CRAT: variants seen among roughly 807,000 people sequenced by gnomAD.
The protein encoded by CRAT is carnitine acetylase.
A neutral mutation model predicts 73.7 loss-of-function variants in CRAT; 66 were observed. The observed-to-expected ratio is 0.90, with a 90% confidence interval of 0.73 to 1.10. The LOEUF (loss-of-function observed/expected upper bound fraction) is 1.10. Among genes scored for constraint, CRAT ranks in the 50% least tolerant of loss-of-function variants. The pLI is 0.00. For synonymous variants in CRAT, 321 were observed against 343.2 expected (o/e 0.94, Z 0.71); for missense variants, 745 against 846.9 (o/e 0.88, Z 1.49).
At chr9:129,104,349 C>G (rs1407511667) in intron 2 of CRAT, 43 bp from the exon 3 acceptor site, 2 of 1,505,484 alleles carry the variant, frequency 1.3e-6, no homozygotes, top group Non-Finnish European at 1.8e-6. Flanking sequence ...TGCATGGGCC[C>G]TGGTGCCCCC....
At chr9:129,097,720 G>GAA in intron 11 of CRAT, 8 of 394,206 alleles carry the variant, frequency 2.0e-5, no homozygotes, top group Admixed American at 8.2e-5. Flanking sequence ...AAAAAAACAA[G>GAA]AAAAAAAAAG....
Position 129,110,379 on chromosome 9 carries a change from C to T in CRAT, c.27+104G>A. The T allele has an allele frequency of 1.6e-6, 2 of 1,232,266 alleles. No homozygotes were observed. The highest frequency in any genetic ancestry group is 1.6e-5 in the African/African-American group (1 of 62,974). 76.3% of individuals were successfully genotyped at this position (1,232,266 alleles called of 1,614,324 possible). On this transcript the variant is annotated intron_variant, in intron 1 of 13. Transcript: ENST00000318080. This position sits in a 1 kb window ranked among gnomAD's most constrained non-coding sequence, Gnocchi z 5.3. The stretch of plus-strand genomic sequence containing the variant: ...TGACCCCACCCCATCAGCTGGAGGC[C>T]GGGTCGAACAGCGGCCGCAGGACGC...
intron 5 of CRAT, 52 bp downstream of exon 5, chr9:129,102,348 T>C (rs1371643635): frequency 2.5e-6 from 4 of 1,609,198 alleles, no homozygotes; most frequent in Non-Finnish European, 3.4e-6. Context: ...GCCGTCCGGC[T>C]GTACTCCTGC....
rs1357634240 is a variant in CRAT, at chr9:129,098,369, A to G, written c.1208T>C (p.Met403Thr). ...IEKAKQNLSI[M>T]IQDLDITVMV... is the part of the protein sequence containing the mutation. ...CACGGTGATATCCAGGTCCTGGATCATGCTGGGGGTGTGGGAAGAGCAGGT... is the reference window on the plus strand; with the variant it reads ...CACGGTGATATCCAGGTCCTGGATCGTGCTGGGGGTGTGGGAAGAGCAGGT... The change falls in exon 10 of 14, where the codon ATG becomes ACG. Residue 403 changes from methionine (M) to threonine (T), a missense_variant and splice_region_variant. Transcript: ENST00000318080. The G allele has an allele frequency of 2.7e-5, 43 of 1,613,722 alleles. No individual in the cohort carries two copies. Among genetic ancestry groups the G allele is most frequent in the Non-Finnish European group, 3.6e-5 (43 of 1,179,914 alleles).
rs1848036065 is a variant in CRAT at position 129,106,694 on chromosome 9, TC to T, written c.291+1119del. Among the ~76,000 whole-genome samples, 1 of 152,082 alleles carries T rather than the reference TC, an allele frequency of 6.6e-6. No individual in the cohort carries two copies. The highest frequency in any genetic ancestry group is 1.5e-5 in the Non-Finnish European group (1 of 67,990). ...TCAGCAAATGTTGACAACTCCCACC[TC>T]CTGTGTGCAGCCCCACAGCCTCCGC... On this transcript the variant is annotated intron_variant, in intron 2 of 13. Transcript: ENST00000318080. The surrounding 1 kb of genome is among the most constrained non-coding windows in gnomAD (Gnocchi z 4.0).
intron 2 of CRAT, among the ~76,000 whole-genome samples, chr9:129,104,757 A>ACTGTGC (rs1847899939): frequency 2.0e-5 from 3 of 150,900 alleles, no homozygotes; most frequent in East Asian, 2.0e-4. Flanking sequence ...GGCGCCAGCC[A>ACTGTGC]CCACACCTGG....
At chr9:129,105,647 C>T (rs575634796) in intron 2 of CRAT, among the ~76,000 whole-genome samples, 16 of 152,288 alleles carry the variant, frequency 1.1e-4, no homozygotes, top group Middle Eastern at 6.8e-3. Context: ...TGACCATCCC[C>T]AGCAGAGAAC....
chr9:129,097,787 G>A, intron 11 of CRAT: 1 of 603,354 alleles, frequency 1.7e-6, no homozygotes, highest in Non-Finnish European at 2.8e-6. Context: ...ACATAGGGCA[G>A]TTGCTTACTG....
rs367973463 is a variant in CRAT, at chr9:129,098,251, G to A, written c.1326C>T (p.Tyr442=). 8.1e-6 allele frequency: 13 copies of A among 1,613,722 alleles called. No homozygotes were observed. Among genetic ancestry groups the A allele is most frequent in the Non-Finnish European group, 1.1e-5 (13 of 1,180,004 alleles). ...FIQMALQLAY[Y]RIYGQACATY... ...ATGGGTGGGCCACAGAGGCGCACCT[G>A]TAGTAGGCCAGCTGCAAAGCCATCT... Residue 442 remains tyrosine (Y), a splice_region_variant and synonymous_variant, in exon 10 of 14, where the codon TAC becomes TAT. Coordinates refer to ENST00000318080, the MANE Select transcript of CRAT (RefSeq NM_000755.5).
At chr9:129,097,718 A>T (rs1042267615) in intron 11 of CRAT, 8 of 397,238 alleles carry the variant, frequency 2.0e-5, no homozygotes, top group Admixed American at 8.2e-5. Context: ...AAAAAAAAAC[A>T]AGAAAAAAAA....
In CRAT at chr9:129,107,455, G is replaced by A. The variant is rs143675152; in HGVS notation, c.291+359C>T. ...CATAGATCAGATACAGAACCTGGGC[G>A]ATCGGTCACTGAGTGACACATATCC... On this transcript the variant is annotated intron_variant, in intron 2 of 13. Transcript: ENST00000318080. This position sits in a 1 kb window ranked among gnomAD's most constrained non-coding sequence, Gnocchi z 5.0. 2.2e-5 allele frequency: 13 copies of A among 597,392 alleles called. No homozygotes were observed. Among genetic ancestry groups the A allele is most frequent in the Non-Finnish European group, 3.0e-5 (10 of 333,766 alleles). 37.0% of individuals were successfully genotyped at this position (597,392 alleles called of 1,614,324 possible). A position where few individuals can be genotyped will look rare whatever the true frequency, so the allele number is the denominator to read the frequency against.
Position 129,103,166 on chromosome 9 carries a change from CCT to C in CRAT, c.411-102_411-101del. On this transcript the variant is annotated intron_variant, in intron 3 of 13. Coordinates refer to ENST00000318080, the MANE Select transcript of CRAT (RefSeq NM_000755.5). The surrounding 1 kb of genome is among the most constrained non-coding windows in gnomAD (Gnocchi z 4.6). ...GGGAGCGGGAGGTCTAGTCTTCCAG[CCT>C]CTCTCACCGCTTCCAGAAAGCCTGG... The C allele has an allele frequency of 1.0e-6, 1 of 1,002,326 alleles. No individual in the cohort carries two copies. The highest frequency in any genetic ancestry group is 1.6e-6 in the Non-Finnish European group (1 of 625,276). 62.1% of individuals were successfully genotyped at this position (1,002,326 alleles called of 1,614,324 possible).
chr9:129,103,213 G>T lies in CRAT; in HGVS notation c.411-147C>A. 1 of 720,388 alleles carries T rather than the reference G, an allele frequency of 1.4e-6. No individual in the cohort carries two copies. Among genetic ancestry groups the T allele is most frequent in the South Asian group, 1.5e-5 (1 of 64,704 alleles). 44.6% of individuals were successfully genotyped at this position (720,388 alleles called of 1,614,324 possible). A position where few individuals can be genotyped will look rare whatever the true frequency, so the allele number is the denominator to read the frequency against. On this transcript the variant is annotated intron_variant, in intron 3 of 13. Coordinates refer to ENST00000318080, the MANE Select transcript of CRAT (RefSeq NM_000755.5). This position sits in a 1 kb window ranked among gnomAD's most constrained non-coding sequence, Gnocchi z 4.6. ...GCCTGGGAGCGCAAGGGAGGGGCCT[G>T]CGAGTCCCAGCTTGCCAGCCTGTGT... is the stretch of plus-strand genomic sequence containing the variant.
chr9:129,102,951 T>A (rs1588453732), intron 4 of CRAT, 62 bp downstream of exon 4: 1 of 1,456,214 alleles, frequency 6.9e-7, no homozygotes, highest in East Asian at 2.3e-5. Flanking sequence ...GGGTCAGAGG[T>A]GGCTGTGGTA....
rs917939119 is a variant in CRAT, at chr9:129,110,779, C to T, written c.-270G>A. 2.5e-6 allele frequency: 1 copy of T among 392,866 alleles called. No individual in the cohort carries two copies. The highest frequency in any genetic ancestry group is 4.3e-6 in the Non-Finnish European group (1 of 230,738). The allele number at this position is 392,866 out of a possible 1,614,324, so 24.3% of individuals were successfully genotyped here. On this transcript the variant is annotated 5_prime_UTR_variant, in exon 1 of 14. Transcript: ENST00000318080. This position sits in a 1 kb window ranked among gnomAD's most constrained non-coding sequence, Gnocchi z 5.3. ...CGGGCAACGGTGCCCGGGAGGTTGG[C>T]TGTGGGGCGGGGACGGGGCATCGAT...
intron 11 of CRAT, 72 bp downstream of exon 11, chr9:129,097,941 T>G: frequency 6.4e-7 from 1 of 1,570,142 alleles, no homozygotes; most frequent in Non-Finnish European, 8.6e-7. Context: ...GCTCAATTAT[T>G]GTGTGTTGAC....
rs1848377563 is a variant in CRAT at position 129,110,627 on chromosome 9, C to G, written c.-118G>C. The G allele has an allele frequency of 8.2e-7, 1 of 1,214,378 alleles. No homozygotes were observed. Among genetic ancestry groups the G allele is most frequent in the South Asian group, 1.7e-5 (1 of 57,168 alleles). 75.2% of individuals were successfully genotyped at this position (1,214,378 alleles called of 1,614,324 possible). A position where few individuals can be genotyped will look rare whatever the true frequency, so the allele number is the denominator to read the frequency against. ...CTTGCTAGAGCCTTCGGGCCAAGGT[C>G]GCTGAGTTACAGCCGCCAGCCGGTA... On this transcript the variant is annotated 5_prime_UTR_variant, in exon 1 of 14. Transcript: ENST00000318080. The surrounding 1 kb of genome is among the most constrained non-coding windows in gnomAD (Gnocchi z 5.3).
intron 3 of CRAT, 60 bp downstream of exon 3, chr9:129,104,128 T>G: frequency 7.6e-7 from 1 of 1,312,782 alleles, no homozygotes; most frequent in Non-Finnish European, 1.1e-6. Context: ...TCCAAGCGGC[T>G]GGGCGAAGTG....
chr9:129,102,101 C>T, intron 5 of CRAT, 44 bp from the exon 6 acceptor site: 1 of 1,592,318 alleles, frequency 6.3e-7, no homozygotes. Context: ...TGAGTGGGGA[C>T]CTCAGGCTGA....
Sources: gnomAD v4.1 joint callset for allele counts (sites outside exome capture counted in the v4.1 genomes callset) on GRCh38, gnomAD v4.1.1 for gene constraint, Gnocchi (gnomAD v3.1) non-coding constraint, MANE v1.5 for transcripts, NCBI Gene and HGNC (gene_info 2026-07-23, HGNC 2026-07-21) for gene names.